Variants in GABRB3 observed in about 807,000 individuals in gnomAD.
GABRB3 encodes the protein gamma-aminobutyric acid type A receptor subunit beta3.
Under a neutral mutation model 52.1 loss-of-function variants are expected in GABRB3, and 14 were observed. The observed-to-expected ratio is 0.27, with a 90% CI of 0.18 to 0.42. The LOEUF (loss-of-function observed/expected upper bound fraction) is 0.42. GABRB3 is among the 10% of genes least tolerant of loss of function. The probability of loss-of-function intolerance (pLI) is 1.00; values close to 1 mark genes in which losing one functional copy is unlikely to be tolerated. For synonymous variants in GABRB3, 260 were observed against 232.3 expected (o/e 1.12, Z -1.08); for missense variants, 307 against 609.1 (o/e 0.50, Z 5.22).
chr15:26,688,891 G>C (rs1321053451), intron 3 of GABRB3, among the ~76,000 whole-genome samples: 1 of 152,180 alleles, frequency 6.6e-6, no homozygotes, highest in East Asian at 1.9e-4. Flanking sequence ...GCACAAATCT[G>C]TAATAAAACT....
chr15:26,741,352 AGAC>A (rs1482522491), intron 3 of GABRB3, among the ~76,000 whole-genome samples: 2 of 152,302 alleles, frequency 1.3e-5, no homozygotes, highest in East Asian at 3.9e-4. Flanking sequence ...AGACACTGAC[AGAC>A]GAGACCCATC....
intron 3 of GABRB3, among the ~76,000 whole-genome samples, chr15:26,647,508 T>C (rs1887049115): frequency 6.6e-6 from 1 of 152,186 alleles, no homozygotes. Flanking sequence ...AGGTGGAGGA[T>C]GCATTTTGAG....
At chr15:26,640,022 C>A (rs1461578711) in intron 3 of GABRB3, among the ~76,000 whole-genome samples, 2 of 152,186 alleles carry the variant, frequency 1.3e-5, no homozygotes, top group Non-Finnish European at 2.9e-5. Context: ...TATTAAATTA[C>A]TCAAAACGGA....
At chr15:26,644,958 A>C (rs1893309201) in intron 3 of GABRB3, among the ~76,000 whole-genome samples, 1 of 152,232 alleles carries the variant, frequency 6.6e-6, no homozygotes, top group South Asian at 2.1e-4. Flanking sequence ...TGTCTCCAAC[A>C]CAAAGCTACA....
At chr15:26,567,467 AT>A (rs1890221371) in intron 7 of GABRB3, 113 bp downstream of exon 7, 13 of 956,044 alleles carry the variant, frequency 1.4e-5, no homozygotes, top group Non-Finnish European at 2.1e-5. Flanking sequence ...TATACAGGCA[AT>A]GCTTGTGTCA....
At chr15:26,753,248 C>T (rs1226399914) in intron 3 of GABRB3, among the ~76,000 whole-genome samples, 7 of 152,108 alleles carry the variant, frequency 4.6e-5, no homozygotes, top group South Asian at 4.1e-4. Context: ...ACACATCAAG[C>T]GGGCACTGTA....
At chr15:26,659,480 C>A (rs781248855) in intron 3 of GABRB3, among the ~76,000 whole-genome samples, 1 of 152,100 alleles carries the variant, frequency 6.6e-6, no homozygotes, top group African/African-American at 2.4e-5. Flanking sequence ...CAAGATCGTG[C>A]CACTGCACTC....
intron 4 of GABRB3, among the ~76,000 whole-genome samples, chr15:26,606,823 TAG>T: frequency 6.6e-6 from 1 of 151,890 alleles, no homozygotes; most frequent in African/African-American, 2.4e-5. Context: ...GATAGATAGA[TAG>T]ATAGATAGAT....
intron 3 of GABRB3, among the ~76,000 whole-genome samples, chr15:26,736,182 C>T (rs765941351): frequency 1.3e-5 from 2 of 152,172 alleles, no homozygotes; most frequent in Admixed American, 6.5e-5. Flanking sequence ...AGTGCAAATG[C>T]ATTTAATGCA....
chr15:26,773,727 C>T (rs1485858603), upstream of GABRB3: 5 of 1,562,148 alleles, frequency 3.2e-6, no homozygotes, highest in South Asian at 3.5e-5. Flanking sequence ...GAGCACATGG[C>T]GCTGTTCCTC....
chr15:26,567,527 A>G (rs748920243), intron 7 of GABRB3, 54 bp downstream of exon 7: 376 of 1,557,398 alleles, frequency 2.4e-4, no homozygotes, highest in Non-Finnish European at 3.1e-4. Flanking sequence ...CTCTCTTAAT[A>G]CTGTAATGAT....
intron 3 of GABRB3, among the ~76,000 whole-genome samples, chr15:26,695,786 G>C (rs947312817): frequency 6.6e-6 from 1 of 152,128 alleles, no homozygotes; most frequent in African/African-American, 2.4e-5. Flanking sequence ...CTTCTGGATA[G>C]GTGAAATAAG....
At chr15:26,562,695 C>G (rs1011565801) in intron 7 of GABRB3, among the ~76,000 whole-genome samples, 2 of 152,194 alleles carry the variant, frequency 1.3e-5, no homozygotes, top group Non-Finnish European at 2.9e-5. Context: ...CAGGGAGAAC[C>G]TTGAGACTGC....
intron 3 of GABRB3, among the ~76,000 whole-genome samples, chr15:26,712,925 C>A (rs989545411): frequency 6.6e-6 from 1 of 152,192 alleles, no homozygotes; most frequent in African/African-American, 2.4e-5. Flanking sequence ...AAGCAGCACA[C>A]TGGGCTGCAG....
At chr15:26,737,675 T>C (rs1890099839) in intron 3 of GABRB3, among the ~76,000 whole-genome samples, 1 of 151,984 alleles carries the variant, frequency 6.6e-6, no homozygotes, top group Admixed American at 6.6e-5. Flanking sequence ...TAAAATAAAA[T>C]CAACTCTTTT....
At chr15:26,711,465 C>G (rs113084479) in intron 3 of GABRB3, among the ~76,000 whole-genome samples, 3 of 36,072 alleles carry the variant, frequency 8.3e-5, no homozygotes, top group South Asian at 2.0e-3. Context: ...CTGCTCCGCT[C>G]GGCCTCATAT....
chr15:26,693,406 G>A (rs553101900), intron 3 of GABRB3, among the ~76,000 whole-genome samples: 24 of 152,246 alleles, frequency 1.6e-4, no homozygotes, highest in Admixed American at 5.2e-4. Flanking sequence ...TTTCCCCTGC[G>A]AGATCATGCT....
chr15:26,554,932 C>T (rs1889697002), intron 8 of GABRB3, among the ~76,000 whole-genome samples: 1 of 152,152 alleles, frequency 6.6e-6, no homozygotes, highest in African/African-American at 2.4e-5. Context: ...GTAATCCCGG[C>T]ACTTTGGGAG....
At position 26,697,367 on chromosome 15, in the gene GABRB3, G is replaced by A. The variant is rs931009351; in HGVS notation, c.240+75035C>T. Among the ~76,000 whole-genome samples, 79 of 152,178 alleles carry A rather than the reference G, an allele frequency of 5.2e-4. 1 individual carries two copies. Among genetic ancestry groups the A allele is most frequent in the African/African-American group, 1.7e-3 (71 of 41,520 alleles). On this transcript the variant is annotated intron_variant, in intron 3 of 8. Coordinates refer to ENST00000311550, the MANE Select transcript of GABRB3 (RefSeq NM_000814.6). Reference sequence around the variant, plus strand: ...AAAGTAAATTACTAGATTTCTGCTTGAGAAAGAACATTTTCTGGAGAGAAG... The same window carrying A: ...AAAGTAAATTACTAGATTTCTGCTTAAGAAAGAACATTTTCTGGAGAGAAG...
Sources: allele counts gnomAD v4.1 joint callset (sites outside exome capture counted in the v4.1 genomes callset), GRCh38; gene constraint gnomAD v4.1.1; transcripts MANE v1.5; gene names NCBI Gene and HGNC (gene_info 2026-07-23, HGNC 2026-07-21).